Variants in TRPC5 observed in about 807,000 individuals in gnomAD.
TRPC5 encodes short transient receptor potential channel 5.
TRPC5 carries 9 observed loss-of-function variants against 56.5 expected under a neutral mutation model. The observed-to-expected ratio is 0.16, with a 90% CI of 0.10 to 0.28. The LOEUF (loss-of-function observed/expected upper bound fraction) is 0.28. Ranked by LOEUF, TRPC5 falls within the 10% of genes least tolerant of loss-of-function variation. The pLI is 1.00. For synonymous variants in TRPC5, 282 were observed against 278.5 expected (o/e 1.01, Z -0.13); for missense variants, 469 against 748.9 (o/e 0.63, Z 4.36).
In TRPC5 at chrX:111,952,133, C is replaced by T. The variant is rs1253458928; in HGVS notation, c.288G>A (p.Val96=). ...MELLLNHSVY[V]GDALLYAIRK... is the part of the protein sequence containing the mutation. ...GTATGGCATAGAGCAATGCATCACC[C>T]ACATACACGCTGTGGTTCAGCAGTA... Residue 96 remains valine (V), a synonymous_variant, in exon 2 of 11, where the codon GTG becomes GTA. Coordinates refer to ENST00000262839, the MANE Select transcript of TRPC5 (RefSeq NM_012471.3). 4 of 1,210,866 alleles carry T rather than the reference C, an allele frequency of 3.3e-6. No individual in the cohort carries two copies. The African/African-American group carries it at 7.0e-5, about 21-fold the overall frequency.
intron 2 of TRPC5, among the ~76,000 whole-genome samples, chrX:111,918,866 T>A (rs1163241084): frequency 9.1e-6 from 1 of 109,738 alleles, no homozygotes; most frequent in African/African-American, 3.3e-5. Flanking sequence ...TGAAGTAGAG[T>A]GAATGTGGAG....
At chrX:112,079,641 TG>T (rs769538034) in intron 1 of TRPC5, among the ~76,000 whole-genome samples, 9 of 112,272 alleles carry the variant, frequency 8.0e-5, no homozygotes, top group Non-Finnish European at 1.7e-4. Context: ...TCTAATTTCC[TG>T]GCCTAGTCTT....
chrX:111,864,663 G>A (rs1246665196), intron 3 of TRPC5, among the ~76,000 whole-genome samples: 4 of 112,115 alleles, frequency 3.6e-5, no homozygotes, highest in African/African-American at 1.3e-4. Flanking sequence ...AAAGGAAGAT[G>A]GGAATTGGGC....
At chrX:111,894,838 A>T in intron 3 of TRPC5, among the ~76,000 whole-genome samples, 1 of 112,001 alleles carries the variant, frequency 8.9e-6, no homozygotes, top group Non-Finnish European at 1.9e-5. Context: ...GATATAGAAC[A>T]TTACCAGCAC....
intron 7 of TRPC5, among the ~76,000 whole-genome samples, chrX:111,823,861 CT>C (rs1488108276): frequency 9.1e-6 from 1 of 110,425 alleles, no homozygotes; most frequent in African/African-American, 3.3e-5. Flanking sequence ...GTATCAGGGC[CT>C]GGGGGCTTGA....
chrX:112,057,067 T>C (rs1464451737), intron 1 of TRPC5, among the ~76,000 whole-genome samples: 1 of 112,217 alleles, frequency 8.9e-6, no homozygotes, highest in Non-Finnish European at 1.9e-5. Context: ...CTTTTCACTT[T>C]CAGTCACGAG....
chrX:111,861,135 T>C (rs891854101), intron 3 of TRPC5, among the ~76,000 whole-genome samples: 1 of 112,218 alleles, frequency 8.9e-6, no homozygotes, highest in Non-Finnish European at 1.9e-5. Context: ...GCTATTAATG[T>C]TAACCTTAAT....
At chrX:111,978,326 A>C (rs1452324743) in intron 1 of TRPC5, among the ~76,000 whole-genome samples, 1 of 111,638 alleles carries the variant, frequency 9.0e-6, no homozygotes, top group Non-Finnish European at 1.9e-5. Flanking sequence ...TGAAATAAGC[A>C]AGACACAGAA....
At chrX:111,957,113 G>A (rs1180985956) in intron 1 of TRPC5, among the ~76,000 whole-genome samples, 1 of 111,940 alleles carries the variant, frequency 8.9e-6, no homozygotes, top group Non-Finnish European at 1.9e-5. Flanking sequence ...GCATCCTACT[G>A]GTCTGCTTCT....
intron 3 of TRPC5, among the ~76,000 whole-genome samples, chrX:111,910,255 C>G (rs1035997827): frequency 9.0e-6 from 1 of 111,583 alleles, no homozygotes; most frequent in Non-Finnish European, 1.9e-5. Context: ...TTTTTTTTCT[C>G]ACAGTATTAT....
At chrX:112,068,854 G>A (rs182713369) in intron 1 of TRPC5, among the ~76,000 whole-genome samples, 26 of 111,912 alleles carry the variant, frequency 2.3e-4, no homozygotes, top group Non-Finnish European at 4.9e-4. Context: ...TCTCTGAAAA[G>A]GGAAATGAAT....
intron 7 of TRPC5, among the ~76,000 whole-genome samples, chrX:111,822,236 T>A (rs1419723477): frequency 9.0e-6 from 1 of 111,308 alleles, no homozygotes; most frequent in Admixed American, 9.6e-5. Context: ...ATGGTATCTC[T>A]CACTTGCTTG....
At position 111,886,165 on chromosome X, in the gene TRPC5, A is replaced by G. The variant is rs772153267; in HGVS notation, c.900+26126T>C. Among the ~76,000 whole-genome samples the G allele has an allele frequency of 3.6e-5, 4 of 111,995 alleles. No homozygotes were observed. The South Asian group carries it at 1.5e-3, about 43-fold the overall frequency. On this transcript the variant is annotated intron_variant, in intron 3 of 10. Transcript: ENST00000262839. ...CATGGTGGTGGGCGCCTGTAATCCC[A>G]GCTACTCAGGAGGCTGAGGCAGGAG...
In TRPC5 at chrX:111,808,704, C is replaced by G. The variant is rs1921602315; in HGVS notation, c.1896+26217G>C. Among the ~76,000 whole-genome samples, 3 of 109,607 alleles carry G rather than the reference C, an allele frequency of 2.7e-5. No individual in the cohort carries two copies. In the South Asian group the frequency reaches 1.2e-3, roughly 44 times the overall value. Reference sequence around the variant, plus strand: ...CCTTTACTCTTCCCTCTCCTTTTCTCAAGCAGAAGGGGTCTCTCCCTGTAG... The same window carrying G: ...CCTTTACTCTTCCCTCTCCTTTTCTGAAGCAGAAGGGGTCTCTCCCTGTAG... On this transcript the variant is annotated intron_variant, in intron 7 of 10. Coordinates refer to ENST00000262839, the MANE Select transcript of TRPC5 (RefSeq NM_012471.3).
chrX:112,028,982 CT>C (rs1471305718), intron 1 of TRPC5, among the ~76,000 whole-genome samples: 2 of 112,513 alleles, frequency 1.8e-5, no homozygotes, highest in Non-Finnish European at 3.8e-5. Context: ...GAATTTTCTG[CT>C]GACAAAAGCT....
At chrX:111,780,793 A>G (rs1945913987) in intron 9 of TRPC5, among the ~76,000 whole-genome samples, 1 of 111,988 alleles carries the variant, frequency 8.9e-6, no homozygotes, top group African/African-American at 3.2e-5. Flanking sequence ...TAAGGGCAGA[A>G]AGATTGCATC....
chrX:111,836,861 C>T (rs1021550635), intron 6 of TRPC5, among the ~76,000 whole-genome samples: 1 of 111,992 alleles, frequency 8.9e-6, no homozygotes, highest in Non-Finnish European at 1.9e-5. Context: ...GACAATTTTG[C>T]AGTCAGTAGG....
At chrX:111,887,633 A>G in intron 3 of TRPC5, among the ~76,000 whole-genome samples, 1 of 112,322 alleles carries the variant, frequency 8.9e-6, no homozygotes, top group Non-Finnish European at 1.9e-5. Context: ...CTAAATGTGA[A>G]ATGGAGATAA....
intron 1 of TRPC5, among the ~76,000 whole-genome samples, chrX:111,967,285 C>T (rs1199081366): frequency 2.7e-5 from 3 of 110,741 alleles, no homozygotes; most frequent in African/African-American, 9.9e-5. Context: ...ATGTGAAGGA[C>T]CTCTTCAAGG....
Sources: gnomAD v4.1 joint callset for allele counts (sites outside exome capture counted in the v4.1 genomes callset) on GRCh38, gnomAD v4.1.1 for gene constraint, MANE v1.5 for transcripts, NCBI Gene and HGNC (gene_info 2026-07-23, HGNC 2026-07-21) for gene names.